The following MBTPS1 variants were observed in gnomAD, a reference collection of about 807,000 sequenced individuals.
MBTPS1 encodes membrane-bound transcription factor site-1 protease.
In MBTPS1, 94 loss-of-function variants were observed where a neutral mutation model predicts 127.8. That is an observed-to-expected ratio of 0.74 (90% CI 0.62 to 0.87). MBTPS1 has a LOEUF of 0.87. Ranked by LOEUF, MBTPS1 falls within the 40% of genes least tolerant of loss-of-function variation. The probability of loss-of-function intolerance (pLI) is 0.00; values close to 1 mark genes in which losing one functional copy is unlikely to be tolerated. For missense variants in MBTPS1, 1,636 were observed against 1,353.2 expected, an observed-to-expected ratio of 1.21 and a Z score of -3.28; for synonymous variants, 632 against 509.4, an observed-to-expected ratio of 1.24 and a Z score of -3.24.
At chr16:84,096,598 T>C (rs1235116570) in intron 3 of MBTPS1, among the ~76,000 whole-genome samples, 3 of 152,204 alleles carry the variant, frequency 2.0e-5, no homozygotes, top group African/African-American at 7.2e-5. Context: ...TTCAAATCAG[T>C]TTTAAGAAGA....
In MBTPS1 at chr16:84,101,698, G is replaced by C. The variant is rs1369431763; in HGVS notation, c.86C>G (p.Ser29Cys). 1 of 1,614,140 alleles carries C rather than the reference G, an allele frequency of 6.2e-7. No homozygotes were observed. The highest frequency in any genetic ancestry group is 1.7e-5 in the Admixed American group (1 of 60,012). ...KHLGDRLEKKSFEKAPCPGCS... is the reference protein window; with the variant it reads ...KHLGDRLEKKCFEKAPCPGCS... ...GCCAGGGCATGGGGCCTTTTCAAAA[G>C]ATTTCTTTTCCAGTCTGTCGCCCAG... The change falls in exon 2 of 23, where the codon TCT (serine) becomes TGT (cysteine). Residue 29 changes from serine (S) to cysteine (C), a missense_variant. Ser to Cys is a moderately radical substitution (Grantham distance 112). Transcript: ENST00000343411.
At chr16:84,068,215 T>C (rs1454228517) in intron 15 of MBTPS1, 124 bp downstream of exon 15, 1 of 708,944 alleles carries the variant, frequency 1.4e-6, no homozygotes, top group Admixed American at 2.3e-5. Flanking sequence ...CACCCAGCTG[T>C]GGGGCCCACG....
chr16:84,054,316 G>C lies in MBTPS1; in HGVS notation c.*133C>G, dbSNP rs2151136774. ...GCCCATCACAGGAGGGCAGGCCCAT[G>C]TAGAACAGACTCTAACAAACCTGCA... On this transcript the variant is annotated 3_prime_UTR_variant, in exon 23 of 23. Transcript: ENST00000343411. The C allele has an allele frequency of 1.4e-6, 1 of 739,914 alleles. No homozygotes were observed. 45.8% of individuals were successfully genotyped at this position (739,914 alleles called of 1,614,324 possible).
chr16:84,108,236 C>T (rs1707686363), intron 1 of MBTPS1, among the ~76,000 whole-genome samples: 2 of 152,148 alleles, frequency 1.3e-5, no homozygotes, highest in Middle Eastern at 3.4e-3. Flanking sequence ...CATGCACACA[C>T]AGATACAGAC....
chr16:84,081,491 C>A, intron 11 of MBTPS1: 1 of 291,080 alleles, frequency 3.4e-6, no homozygotes, highest in South Asian at 1.6e-4. Context: ...AGAAAGTAAA[C>A]AACAAAAGCA....
chr16:84,070,479 T>TA, intron 13 of MBTPS1, 109 bp downstream of exon 13: 1 of 1,126,014 alleles, frequency 8.9e-7, no homozygotes, highest in African/African-American at 1.6e-5. Context: ...AGGATAAGCC[T>TA]ATCTGTCAAC....
At chr16:84,110,044 TAA>T (rs373049001) in intron 1 of MBTPS1, among the ~76,000 whole-genome samples, 11 of 152,184 alleles carry the variant, frequency 7.2e-5, no homozygotes, top group African/African-American at 2.6e-4. Context: ...GCAGAAAAAA[TAA>T]GTTCTTTATT....
At chr16:84,073,694 T>C (rs923042039) in intron 12 of MBTPS1, among the ~76,000 whole-genome samples, 4 of 151,962 alleles carry the variant, frequency 2.6e-5, no homozygotes, top group Non-Finnish European at 5.9e-5. Context: ...AAAGACCGTA[T>C]CTTCCAAACA....
chr16:84,074,977 G>T, intron 11 of MBTPS1: 1 of 333,456 alleles, frequency 3.0e-6, no homozygotes. Flanking sequence ...CTCTGCTTTT[G>T]CAAGTCTGGA....
chr16:84,059,555 A>T, intron 20 of MBTPS1, 127 bp from the exon 21 acceptor site: 1 of 824,032 alleles, frequency 1.2e-6, no homozygotes, highest in Non-Finnish European at 1.9e-6. Context: ...CCTGTGCTCT[A>T]TTAAGCTATC....
At chr16:84,083,796 T>C (rs2085977069) in intron 10 of MBTPS1, among the ~76,000 whole-genome samples, 2 of 152,334 alleles carry the variant, frequency 1.3e-5, no homozygotes, top group Non-Finnish European at 1.5e-5. Context: ...TAAAACTTCA[T>C]CTAGATAGAA....
intron 8 of MBTPS1, among the ~76,000 whole-genome samples, chr16:84,089,743 G>C (rs1391905027): frequency 6.6e-6 from 1 of 152,206 alleles, no homozygotes; most frequent in African/African-American, 2.4e-5. Flanking sequence ...TTTCACCCAT[G>C]TCCATGCTGG....
chr16:84,093,629 T>C (rs760549097), intron 5 of MBTPS1, 82 bp downstream of exon 5: 1 of 995,110 alleles, frequency 1.0e-6, no homozygotes, highest in Non-Finnish European at 1.6e-6. Flanking sequence ...TCTGAATAAT[T>C]GCTGGACAGA....
intron 1 of MBTPS1, among the ~76,000 whole-genome samples, chr16:84,115,236 A>G (rs2086457366): frequency 6.6e-6 from 1 of 152,096 alleles, no homozygotes; most frequent in Non-Finnish European, 1.5e-5. Flanking sequence ...CAGCCTTCCT[A>G]GTTCTTGTTA....
chr16:84,095,815 AG>A lies in MBTPS1; in HGVS notation c.422-11del. On this transcript the variant is annotated splice_polypyrimidine_tract_variant and intron_variant, in intron 3 of 22. Transcript: ENST00000343411. ...GGTACTGTGGGGTCAGCTACAGGCA[AG>A]GGAGAGAAAGATCAGAACAGAAGAG... 6.2e-7 allele frequency: 1 copy of A among 1,610,948 alleles called. No homozygotes were observed. Among genetic ancestry groups the A allele is most frequent in the Non-Finnish European group, 8.5e-7 (1 of 1,178,298 alleles).
rs1403606774 is a variant in MBTPS1 at position 84,072,345 on chromosome 16, G to T, written c.1594-1569C>A. On this transcript the variant is annotated intron_variant, in intron 12 of 22. Coordinates refer to ENST00000343411, the MANE Select transcript of MBTPS1 (RefSeq NM_003791.4). The stretch of plus-strand genomic sequence containing the variant: ...AAGGAGTGGCTGATAATGGGTATAA[G>T]GTTTCTTTTAGGGAATGTTCCTGAA... 2.0e-5 allele frequency among the ~76,000 whole-genome samples: 3 copies of T among 152,180 alleles called. No individual in the cohort carries two copies. In the East Asian group the frequency reaches 5.8e-4, roughly 29 times the overall value.
intron 3 of MBTPS1, among the ~76,000 whole-genome samples, chr16:84,097,778 GAA>G (rs1049086404): frequency 6.6e-6 from 1 of 151,914 alleles, no homozygotes; most frequent in Non-Finnish European, 1.5e-5. Flanking sequence ...AAAAGGCTCT[GAA>G]AAAGTCAGAC....
At chr16:84,070,538 G>C (rs933979814) in intron 13 of MBTPS1, 50 bp downstream of exon 13, 1 of 1,584,298 alleles carries the variant, frequency 6.3e-7, no homozygotes, top group Non-Finnish European at 8.6e-7. Flanking sequence ...CTCCCTGAAA[G>C]GTGATGTCAA....
chr16:84,100,599 G>C (rs777262171), intron 2 of MBTPS1, among the ~76,000 whole-genome samples: 4 of 150,788 alleles, frequency 2.7e-5, no homozygotes, highest in African/African-American at 4.9e-5. Flanking sequence ...ACGGTGGCAG[G>C]TGCCTGTAGT....
Sources: gnomAD v4.1 joint callset for allele counts (sites outside exome capture counted in the v4.1 genomes callset) on GRCh38, gnomAD v4.1.1 for gene constraint, MANE v1.5 for transcripts, NCBI Gene and HGNC (gene_info 2026-07-23, HGNC 2026-07-21) for gene names.